Variants in NRXN1 observed in about 807,000 individuals in gnomAD.
NRXN1 encodes the protein neurexin 1, also known as neurexin-1.
In NRXN1, 39 loss-of-function variants were observed where a neutral mutation model predicts 150.9. That is an observed-to-expected ratio of 0.26 (90% CI 0.20 to 0.34). NRXN1 has a LOEUF of 0.34. Among genes scored for constraint, NRXN1 ranks in the 10% least tolerant of loss-of-function variants. The probability of loss-of-function intolerance (pLI) is 1.00; values close to 1 mark genes in which losing one functional copy is unlikely to be tolerated. For missense variants in NRXN1, 1,815 were observed against 1,949.9 expected (o/e 0.93, Z 1.30); for synonymous variants, 924 against 757.0 (o/e 1.22, Z -3.62).
At chr2:50,987,326 T>C (rs1377045809) in intron 2 of NRXN1, among the ~76,000 whole-genome samples, 1 of 151,926 alleles carries the variant, frequency 6.6e-6, no homozygotes, top group East Asian at 1.9e-4. Flanking sequence ...ATCTGGATGA[T>C]GTTGAAGCCA....
intron 5 of NRXN1, among the ~76,000 whole-genome samples, chr2:50,653,849 G>A (rs1038700144): frequency 2.6e-5 from 4 of 151,714 alleles, no homozygotes; most frequent in Non-Finnish European, 5.9e-5. Flanking sequence ...ACCTAGCTGT[G>A]ATCATCTTCT....
At chr2:49,969,888 A>C (rs775474723) in intron 21 of NRXN1, 2 of 152,144 alleles carry the variant, frequency 1.3e-5, no homozygotes, top group Non-Finnish European at 2.9e-5. Context: ...TTATGTAATC[A>C]TGTTTTCCAT....
At chr2:50,193,674 C>T (rs922353494) in intron 18 of NRXN1, among the ~76,000 whole-genome samples, 18 of 152,160 alleles carry the variant, frequency 1.2e-4, no homozygotes, top group African/African-American at 4.3e-4. Context: ...TATTAAGCAT[C>T]AGGATTAGTA....
At chr2:50,245,901 T>G (rs1284565541) in intron 17 of NRXN1, among the ~76,000 whole-genome samples, 1 of 151,838 alleles carries the variant, frequency 6.6e-6, no homozygotes, top group East Asian at 1.9e-4. Context: ...AGGCTTGTAC[T>G]TAACTCTATT....
At chr2:50,620,816 C>T (rs543596923) in intron 7 of NRXN1, 1 of 189,768 alleles carries the variant, frequency 5.3e-6, no homozygotes, top group East Asian at 1.3e-4. Flanking sequence ...AAAATAAAAA[C>T]AACTGCTTTG....
chr2:50,608,045 C>A (rs1017499143), intron 8 of NRXN1, among the ~76,000 whole-genome samples: 1 of 151,962 alleles, frequency 6.6e-6, no homozygotes, highest in Non-Finnish European at 1.5e-5. Flanking sequence ...GAGAAGCCCA[C>A]ATGGGTAAAT....
At chr2:50,573,258 G>A (rs890740626) in intron 8 of NRXN1, among the ~76,000 whole-genome samples, 5 of 151,998 alleles carry the variant, frequency 3.3e-5, no homozygotes, top group African/African-American at 1.2e-4. Flanking sequence ...AGCTACTCAG[G>A]AGGCTGAGGC....
chr2:51,027,615 C>A lies in NRXN1; in HGVS notation c.659G>T (p.Gly220Val). Residue 220 changes from glycine (G) to valine (V), a missense_variant, in exon 2 of 23, where the codon GGC becomes GTC. Physicochemically the swap from Gly to Val is moderately radical, Grantham distance 109 (BLOSUM62 -3). Transcript: ENST00000401669. ...GCACACCCCGCCCTCGCCCTCCTCGCCCGCCTCGCACGGGCTTCCCCCGCC... is the reference window on the plus strand; with the variant it reads ...GCACACCCCGCCCTCGCCCTCCTCGACCGCCTCGCACGGGCTTCCCCCGCC... ...NSGGGSPCEA[G>V]EEGEGGVCLN... 6.3e-7 allele frequency: 1 copy of A among 1,589,552 alleles called. No homozygotes were observed. The highest frequency in any genetic ancestry group is 8.6e-7 in the Non-Finnish European group (1 of 1,168,122).
At chr2:50,315,469 C>T (rs2075524373) in intron 17 of NRXN1, among the ~76,000 whole-genome samples, 1 of 152,100 alleles carries the variant, frequency 6.6e-6, no homozygotes, top group African/African-American at 2.4e-5. Context: ...ATGCTCTTTG[C>T]TCACAGTTAC....
At chr2:50,810,267 T>C (rs1668032433) in intron 5 of NRXN1, among the ~76,000 whole-genome samples, 1 of 152,210 alleles carries the variant, frequency 6.6e-6, no homozygotes, top group South Asian at 2.1e-4. Flanking sequence ...TTGGATCATT[T>C]AATTCCTTCA....
At chr2:50,528,367 A>G (rs1573412240) in intron 12 of NRXN1, among the ~76,000 whole-genome samples, 1 of 152,170 alleles carries the variant, frequency 6.6e-6, no homozygotes, top group African/African-American at 2.4e-5. Flanking sequence ...CTAAATGTCT[A>G]TAAGGTGCTG....
chr2:50,318,327 G>C (rs1470281387), intron 17 of NRXN1, among the ~76,000 whole-genome samples: 1 of 152,080 alleles, frequency 6.6e-6, no homozygotes, highest in Non-Finnish European at 1.5e-5. Flanking sequence ...CAGAGCAATA[G>C]GAAGTCATCA....
chr2:50,822,279 T>G (rs1302371060), intron 5 of NRXN1, among the ~76,000 whole-genome samples: 1 of 152,150 alleles, frequency 6.6e-6, no homozygotes, highest in Non-Finnish European at 1.5e-5. Context: ...TTTCTCTCAG[T>G]ATCTAAAACA....
chr2:50,994,898 T>A (rs891538040), intron 2 of NRXN1, among the ~76,000 whole-genome samples: 1 of 151,972 alleles, frequency 6.6e-6, no homozygotes, highest in Non-Finnish European at 1.5e-5. Flanking sequence ...AATTACACTG[T>A]TTTTTTAAAA....
At chr2:50,630,462 C>A (rs1682074974) in intron 5 of NRXN1, among the ~76,000 whole-genome samples, 1 of 151,602 alleles carries the variant, frequency 6.6e-6, no homozygotes, top group African/African-American at 2.4e-5. Flanking sequence ...TTAATTTGAC[C>A]CAATGCCTCT....
intron 17 of NRXN1, among the ~76,000 whole-genome samples, chr2:50,325,688 C>A (rs764501917): frequency 1.3e-5 from 2 of 152,228 alleles, no homozygotes; most frequent in Admixed American, 1.3e-4. Context: ...CAAATAATTA[C>A]CTGGAATTTA....
At chr2:50,231,843 A>C (rs1053424612) in intron 18 of NRXN1, among the ~76,000 whole-genome samples, 9 of 145,926 alleles carry the variant, frequency 6.2e-5, no homozygotes, top group Non-Finnish European at 9.0e-5. Context: ...AACATTGGTA[A>C]AATTTCTAGA....
chr2:50,702,342 A>T (rs892367133), intron 5 of NRXN1, among the ~76,000 whole-genome samples: 9 of 107,412 alleles, frequency 8.4e-5, no homozygotes, highest in African/African-American at 3.2e-4. Flanking sequence ...ATTTGTTTTT[A>T]AAAATGTTGT....
chr2:50,394,654 C>T (rs1371286416), intron 17 of NRXN1, among the ~76,000 whole-genome samples: 3 of 152,014 alleles, frequency 2.0e-5, no homozygotes, highest in African/African-American at 4.8e-5. Flanking sequence ...CCTCCCTCTT[C>T]TCTGCAATCT....
Sources: gnomAD v4.1 joint callset for allele counts (sites outside exome capture counted in the v4.1 genomes callset) on GRCh38, gnomAD v4.1.1 for gene constraint, MANE v1.5 for transcripts, NCBI Gene and HGNC (gene_info 2026-07-23, HGNC 2026-07-21) for gene names.